Variants in RDX observed in about 807,000 individuals in gnomAD.
RDX encodes the protein radixin.
A neutral mutation model predicts 83.7 loss-of-function variants in RDX; 32 were observed. The ratio of observed to expected loss-of-function variants is 0.38; its 90% CI spans 0.29 to 0.51. The LOEUF (loss-of-function observed/expected upper bound fraction) is 0.51, where lower values mean the gene tolerates loss of function less well. Among genes scored for constraint, RDX ranks in the 20% least tolerant of loss-of-function variants. The pLI, the probability that RDX is intolerant of heterozygous loss-of-function variation, is 0.87. For synonymous variants in RDX, 229 were observed against 222.7 expected, an observed-to-expected ratio of 1.03 and a Z score of -0.25; for missense variants, 600 against 689.9, an observed-to-expected ratio of 0.87 and a Z score of 1.46.
intron 1 of RDX, among the ~76,000 whole-genome samples, chr11:110,291,713 G>A (rs1313808682): frequency 6.6e-6 from 1 of 152,152 alleles, no homozygotes; most frequent in Non-Finnish European, 1.5e-5. Context: ...AATTGAGATG[G>A]GTAAGGGCTG....
chr11:110,239,054 A>G (rs1002344158), intron 10 of RDX, among the ~76,000 whole-genome samples: 7 of 152,026 alleles, frequency 4.6e-5, no homozygotes, highest in Admixed American at 3.3e-4. Context: ...AAAGGTGGGA[A>G]GACCGCTTGA....
chr11:110,227,517 T>G (rs1051842437), downstream of RDX, among the ~76,000 whole-genome samples: 2 of 152,174 alleles, frequency 1.3e-5, no homozygotes, highest in Non-Finnish European at 2.9e-5. Context: ...TAGAAGCAAC[T>G]AGCTAGCTAC....
intron 15 of RDX, among the ~76,000 whole-genome samples, chr11:110,180,134 T>C (rs1414872717): frequency 6.6e-6 from 1 of 152,068 alleles, no homozygotes; most frequent in Non-Finnish European, 1.5e-5. Context: ...ACTCCTGACC[T>C]CAAGTGATCT....
At chr11:110,178,109 C>T (rs527895364) in intron 15 of RDX, among the ~76,000 whole-genome samples, 2 of 152,294 alleles carry the variant, frequency 1.3e-5, no homozygotes, top group South Asian at 2.1e-4. Context: ...TCTGTTTCCT[C>T]CAGGCTGTGT....
intron 15 of RDX, among the ~76,000 whole-genome samples, chr11:110,196,733 A>C (rs2134232115): frequency 6.6e-6 from 1 of 152,224 alleles, no homozygotes; most frequent in Non-Finnish European, 1.5e-5. Context: ...AGCTAAAATC[A>C]GCTCAGAGCC....
At chr11:110,177,894 G>A (rs1862807714) in intron 15 of RDX, among the ~76,000 whole-genome samples, 2 of 152,014 alleles carry the variant, frequency 1.3e-5, no homozygotes, top group East Asian at 1.9e-4. Flanking sequence ...GATATACTTA[G>A]AAACCTTTGA....
intron 14 of RDX, among the ~76,000 whole-genome samples, chr11:110,221,724 C>T (rs1218280078): frequency 1.3e-5 from 2 of 151,856 alleles, no homozygotes; most frequent in East Asian, 3.9e-4. Flanking sequence ...TTAGCTTCAT[C>T]AAGAAATATC....
chr11:110,254,181 TTTAA>T (rs1859449945), intron 8 of RDX, 72 bp from the exon 9 acceptor site: 2 of 1,291,406 alleles, frequency 1.5e-6, no homozygotes, highest in Non-Finnish European at 2.2e-6. Context: ...TGTACTAAAT[TTTAA>T]CATGAGGTAT....
At position 110,210,629 on chromosome 11, in the gene RDX, AC is replaced by A. The variant is rs1260580659; in HGVS notation, c.1749-10952del. ...CCTCAAAGGGAAGCCCATCAGACTA[AC>A]AGCGGATCTCTCGGCAGAAACCCTA... On this transcript the variant is annotated intron_variant, in intron 14 of 15. Coordinates refer to the RDX transcript ENST00000528498. Among the ~76,000 whole-genome samples the A allele has an allele frequency of 1.3e-4, 20 of 151,346 alleles. No individual in the cohort carries two copies. The East Asian group carries it at 2.4e-3, about 18-fold the overall frequency.
chr11:110,268,649 T>C lies in RDX; in HGVS notation c.97-3775A>G, dbSNP rs535218142. Among the ~76,000 whole-genome samples, 34 of 152,258 alleles carry C rather than the reference T, an allele frequency of 2.2e-4. 1 individual carries two copies. The South Asian group carries it at 5.0e-3, about 22-fold the overall frequency. On this transcript the variant is annotated intron_variant, in intron 3 of 13. Transcript: ENST00000645495. ...GCCCCACAGTGGGCACAGGGGATAA[T>C]AGCTTAACTAACTTTAGACTATTAC...
rs551327937 is a variant in RDX, at chr11:110,272,473, A to G, written c.96+63T>C. 1.3e-5 allele frequency: 14 copies of G among 1,055,962 alleles called. No homozygotes were observed. The Admixed American group carries it at 2.5e-4, about 19-fold the overall frequency. 65.4% of individuals were successfully genotyped at this position (1,055,962 alleles called of 1,614,324 possible). A position where few individuals can be genotyped will look rare whatever the true frequency, so the allele number is the denominator to read the frequency against. On this transcript the variant is annotated intron_variant, in intron 3 of 13. Coordinates refer to ENST00000645495, the MANE Select transcript of RDX (RefSeq NM_002906.4). Reference sequence around the variant, plus strand: ...AGCAAAAGTACAGAAAAACAGAGAAAGAGGTATGCAACAACATTCACACTA... The same window carrying G: ...AGCAAAAGTACAGAAAAACAGAGAAGGAGGTATGCAACAACATTCACACTA...
downstream of RDX, among the ~76,000 whole-genome samples, chr11:110,227,489 A>G (rs1864472455): frequency 6.6e-6 from 1 of 152,170 alleles, no homozygotes; most frequent in Non-Finnish European, 1.5e-5. Flanking sequence ...ATAGGGTGGT[A>G]AAAATAAGTT....
chr11:110,262,221 A>C (rs1052034659), intron 5 of RDX, among the ~76,000 whole-genome samples: 2 of 152,192 alleles, frequency 1.3e-5, no homozygotes, highest in African/African-American at 4.8e-5. Flanking sequence ...AACAACTTAC[A>C]TAATTCTATC....
intron 13 of RDX, 24 bp downstream of exon 13, chr11:110,233,213 C>T (rs1416379375): frequency 2.5e-6 from 4 of 1,612,062 alleles, no homozygotes; most frequent in Admixed American, 1.7e-5. Context: ...TTCAAATGCA[C>T]ATACAACTGC....
At chr11:110,237,263 A>G (rs1472650208) in intron 11 of RDX, among the ~76,000 whole-genome samples, 2 of 152,000 alleles carry the variant, frequency 1.3e-5, no homozygotes, top group South Asian at 2.1e-4. Flanking sequence ...AGTAGACTCC[A>G]TTTACAAATA....
intron 15 of RDX, among the ~76,000 whole-genome samples, chr11:110,194,060 T>A (rs1863154569): frequency 6.6e-6 from 1 of 152,244 alleles, no homozygotes; most frequent in Non-Finnish European, 1.5e-5. Context: ...CCTCTTTATC[T>A]TTTGACCTGG....
chr11:110,191,548 T>A (rs192832032), intron 15 of RDX, among the ~76,000 whole-genome samples: 4 of 152,322 alleles, frequency 2.6e-5, no homozygotes. Context: ...AGCATAGTAC[T>A]TGAAACCTTA....
At chr11:110,250,286 T>A (rs1859275786) in intron 9 of RDX, among the ~76,000 whole-genome samples, 2 of 152,184 alleles carry the variant, frequency 1.3e-5, no homozygotes, top group African/African-American at 4.8e-5. Flanking sequence ...ACTTTTCAAG[T>A]AATTGCTAGT....
chr11:110,191,815 C>T (rs2134227212), intron 15 of RDX, among the ~76,000 whole-genome samples: 1 of 152,310 alleles, frequency 6.6e-6, no homozygotes, highest in South Asian at 2.1e-4. Context: ...GAGATCATGC[C>T]ACTGTACTCC....
Sources: allele counts gnomAD v4.1 joint callset (sites outside exome capture counted in the v4.1 genomes callset), GRCh38; gene constraint gnomAD v4.1.1; transcripts MANE v1.5; gene names NCBI Gene and HGNC (gene_info 2026-07-23, HGNC 2026-07-21).